ERBB4: variants seen among roughly 807,000 people sequenced by gnomAD.
ERBB4 encodes receptor tyrosine-protein kinase erbB-4.
In ERBB4, 42 loss-of-function variants were observed where a neutral mutation model predicts 158.0. That is an observed-to-expected ratio of 0.27 (90% CI 0.21 to 0.34). The LOEUF (loss-of-function observed/expected upper bound fraction) is 0.34, where lower values mean the gene tolerates loss of function less well. ERBB4 is among the 10% of genes least tolerant of loss of function. The pLI is 1.00. For synonymous variants in ERBB4, 583 were observed against 558.7 expected (o/e 1.04, Z -0.61); for missense variants, 1,333 against 1,624.1 (o/e 0.82, Z 3.08).
intron 2 of ERBB4, among the ~76,000 whole-genome samples, chr2:211,992,572 A>G (rs1433774073): frequency 2.6e-3 from 361 of 140,280 alleles, no homozygotes; most frequent in African/African-American, 1.0e-2. Flanking sequence ...AGAGAGAAAA[A>G]AAAAAAAAAC....
intron 1 of ERBB4, among the ~76,000 whole-genome samples, chr2:212,250,587 G>A (rs2084493840): frequency 6.6e-6 from 1 of 151,830 alleles, no homozygotes; most frequent in African/African-American, 2.4e-5. Context: ...GGAAACATCA[G>A]ACAAATGTAA....
intron 16 of ERBB4, among the ~76,000 whole-genome samples, chr2:211,656,609 A>G (rs1235122448): frequency 3.3e-5 from 5 of 152,160 alleles, no homozygotes; most frequent in Non-Finnish European, 5.9e-5. Flanking sequence ...TATCTCCTCA[A>G]ATTATCTCCT....
At chr2:211,486,461 C>T (rs567672231) in intron 20 of ERBB4, among the ~76,000 whole-genome samples, 1 of 152,062 alleles carries the variant, frequency 6.6e-6, no homozygotes, top group Admixed American at 6.6e-5. Context: ...CAACCTATGT[C>T]GAGTTAACCT....
At chr2:211,464,241 C>T (rs1008699094) in intron 20 of ERBB4, among the ~76,000 whole-genome samples, 3 of 152,040 alleles carry the variant, frequency 2.0e-5, no homozygotes, top group African/African-American at 7.2e-5. Flanking sequence ...TTCTATAAGC[C>T]CAGCACCCAA....
intron 3 of ERBB4, among the ~76,000 whole-genome samples, chr2:211,936,164 C>T (rs114142867): frequency 0.035 from 5,283 of 151,808 alleles, 115 homozygotes; most frequent in Non-Finnish European, 0.052. Flanking sequence ...TTCAGGGCAC[C>T]ATCAAAATCA....
At chr2:211,785,268 AT>A (rs1470160924) in intron 4 of ERBB4, among the ~76,000 whole-genome samples, 2 of 151,754 alleles carry the variant, frequency 1.3e-5, no homozygotes, top group Non-Finnish European at 2.9e-5. Flanking sequence ...CGCCCGGCTA[AT>A]TTTTTGTATT....
At chr2:211,449,915 T>G (rs1034103069) in intron 20 of ERBB4, among the ~76,000 whole-genome samples, 5 of 152,224 alleles carry the variant, frequency 3.3e-5, no homozygotes, top group African/African-American at 1.2e-4. Context: ...TATGATATAA[T>G]AGCAATAACT....
chr2:211,579,361 T>G (rs1452282523), intron 19 of ERBB4, among the ~76,000 whole-genome samples: 1 of 152,160 alleles, frequency 6.6e-6, no homozygotes, highest in Non-Finnish European at 1.5e-5. Flanking sequence ...GAATGTAAAT[T>G]AGTTCAACCA....
intron 3 of ERBB4, among the ~76,000 whole-genome samples, chr2:211,941,340 A>T (rs1435725583): frequency 6.6e-6 from 1 of 151,838 alleles, no homozygotes; most frequent in Non-Finnish European, 1.5e-5. Flanking sequence ...TTTGTTAAAC[A>T]TTCTGTTTAA....
At chr2:211,815,875 G>A (rs2076871962) in intron 3 of ERBB4, among the ~76,000 whole-genome samples, 1 of 152,150 alleles carries the variant, frequency 6.6e-6, no homozygotes, top group South Asian at 2.1e-4. Context: ...TCCCTTTGCT[G>A]GATGCTTCCT....
In ERBB4 at chr2:211,541,251, T is replaced by C. The variant is rs752519956; in HGVS notation, c.2487+20652A>G. The stretch of plus-strand genomic sequence containing the variant: ...ATAAAATATTTAGGCTCTGTCTGCA[T>C]GGCTAGTCATTCACTTCCAAATTCT... On this transcript the variant is annotated intron_variant, in intron 20 of 27. Transcript: ENST00000342788. Among the ~76,000 whole-genome samples, 18 of 151,980 alleles carry C rather than the reference T, an allele frequency of 1.2e-4. 1 individual carries two copies. The highest frequency in any genetic ancestry group is 2.5e-4 in the Non-Finnish European group (17 of 67,968).
At chr2:212,055,562 T>C (rs945403049) in intron 2 of ERBB4, among the ~76,000 whole-genome samples, 1 of 152,186 alleles carries the variant, frequency 6.6e-6, no homozygotes, top group Non-Finnish European at 1.5e-5. Flanking sequence ...CACAGCCGGG[T>C]ACCCCGCTGA....
rs562211323 is a variant in ERBB4 at position 212,320,327 on chromosome 2, T to C, written c.83-195424A>G. Among the ~76,000 whole-genome samples the C allele has an allele frequency of 8.1e-4, 119 of 146,682 alleles. 5 individuals are homozygous for C. Among genetic ancestry groups the C allele is most frequent in the Middle Eastern group, 3.4e-3 (1 of 290 alleles). ...CAGTTTCAAGTACAGTCTTTTTTTT[T>C]TACTTCTTCTTCTTCTTGGTAATAG... On this transcript the variant is annotated intron_variant, in intron 1 of 27. Coordinates refer to ENST00000342788, the MANE Select transcript of ERBB4 (RefSeq NM_005235.3).
chr2:212,291,343 T>G (rs774849198), intron 1 of ERBB4, among the ~76,000 whole-genome samples: 17 of 152,134 alleles, frequency 1.1e-4, no homozygotes, highest in Non-Finnish European at 1.9e-4. Context: ...TTATATAAGT[T>G]GATAGTCCTG....
At chr2:211,721,057 G>A (rs1274374870) in intron 7 of ERBB4, among the ~76,000 whole-genome samples, 1 of 152,118 alleles carries the variant, frequency 6.6e-6, no homozygotes, top group Non-Finnish European at 1.5e-5. Context: ...GGAAATCTGG[G>A]TATGCAAGGA....
intron 2 of ERBB4, among the ~76,000 whole-genome samples, chr2:211,952,537 T>C (rs1251326704): frequency 6.6e-6 from 1 of 152,036 alleles, no homozygotes; most frequent in Non-Finnish European, 1.5e-5. Flanking sequence ...TTTAGAAAAT[T>C]TTGAGAGAAT....
Position 212,211,954 on chromosome 2 carries a change from G to T in ERBB4, c.83-87051C>A, listed in dbSNP as rs375794500. ...ATATGTACCACATTTTCTTTACCCA[G>T]TCTATCAGTGATGGGCATTTGGGTT... On this transcript the variant is annotated intron_variant, in intron 1 of 27. Coordinates refer to ENST00000342788, the MANE Select transcript of ERBB4 (RefSeq NM_005235.3). 3.3e-5 allele frequency among the ~76,000 whole-genome samples: 5 copies of T among 152,124 alleles called. No homozygotes were observed. The South Asian group carries it at 1.0e-3, about 32-fold the overall frequency.
chr2:212,191,992 A>ATATGT (rs1559706622), intron 1 of ERBB4, among the ~76,000 whole-genome samples: 1 of 120,494 alleles, frequency 8.3e-6, no homozygotes, highest in African/African-American at 3.3e-5. Flanking sequence ...GTTATATGTT[A>ATATGT]TATATGTTAT....
At chr2:211,618,354 A>G (rs915580362) in intron 19 of ERBB4, among the ~76,000 whole-genome samples, 3 of 152,082 alleles carry the variant, frequency 2.0e-5, no homozygotes, top group African/African-American at 4.8e-5. Flanking sequence ...ATGTAAATAA[A>G]AAGTTTTATT....
Sources: allele counts gnomAD v4.1 joint callset (sites outside exome capture counted in the v4.1 genomes callset), GRCh38; gene constraint gnomAD v4.1.1; transcripts MANE v1.5; gene names NCBI Gene and HGNC (gene_info 2026-07-23, HGNC 2026-07-21).